The following CDH18 variants were observed in gnomAD, a reference collection of about 807,000 sequenced individuals.
The protein encoded by CDH18 is cadherin 18, also known as cadherin-18.
In CDH18, 31 loss-of-function variants were observed where a neutral mutation model predicts 67.9. That is an observed-to-expected ratio of 0.46 (90% CI 0.34 to 0.62). The LOEUF (loss-of-function observed/expected upper bound fraction) is 0.62. Among genes scored for constraint, CDH18 ranks in the 20% least tolerant of loss-of-function variants. The probability of loss-of-function intolerance (pLI) is 0.01; values close to 1 mark genes in which losing one functional copy is unlikely to be tolerated. For missense variants in CDH18, 890 were observed against 975.5 expected (o/e 0.91, Z 1.17); for synonymous variants, 362 against 347.2 (o/e 1.04, Z -0.48).
chr5:19,731,390 G>A (rs1767577956), intron 4 of CDH18, among the ~76,000 whole-genome samples: 1 of 152,138 alleles, frequency 6.6e-6, no homozygotes, highest in Non-Finnish European at 1.5e-5. Context: ...GGCAGAGCTT[G>A]TAGTGAGCCG....
chr5:19,937,460 C>CT (rs1794397500), intron 2 of CDH18, among the ~76,000 whole-genome samples: 1 of 151,340 alleles, frequency 6.6e-6, no homozygotes, highest in Non-Finnish European at 1.5e-5. Context: ...AACAGAAACT[C>CT]TAAGTAATAT....
Position 20,172,215 on chromosome 5 carries a change from T to C in CDH18, c.-518+83229A>G, listed in dbSNP as rs1309375559. On this transcript the variant is annotated intron_variant, in intron 2 of 14. Transcript: ENST00000507958. ...GTATATATATATATATATATATATA[T>C]ATATATATGTATATATATATATATG... 8.7e-3 allele frequency among the ~76,000 whole-genome samples: 250 copies of C among 28,640 alleles called. 2 individuals carry two copies. The highest frequency in any genetic ancestry group is 0.036 in the African/African-American group (239 of 6,666). The allele number at this position is 28,640 out of a possible 152,430, so 18.8% of individuals were successfully genotyped here.
chr5:19,954,309 G>T (rs1356922419), intron 2 of CDH18, among the ~76,000 whole-genome samples: 1 of 151,892 alleles, frequency 6.6e-6, no homozygotes, highest in East Asian at 1.9e-4. Flanking sequence ...GTTTTTCTTT[G>T]GTTTAATTTT....
rs1580151790 is a variant in CDH18 at position 20,061,592 on chromosome 5, A to G, written c.-517-69578T>C. Among the ~76,000 whole-genome samples, 6 of 152,318 alleles carry G rather than the reference A, an allele frequency of 3.9e-5. No homozygotes were observed. In the Middle Eastern group the frequency reaches 0.02, roughly 518 times the overall value. On this transcript the variant is annotated intron_variant, in intron 2 of 14. Coordinates refer to the CDH18 transcript ENST00000507958. ...TTGCCAAATATTAGCACACTTTATTAGTGGCAATAGTGGGATTATTTGCCT... is the reference window on the plus strand; with the variant it reads ...TTGCCAAATATTAGCACACTTTATTGGTGGCAATAGTGGGATTATTTGCCT...
At chr5:19,892,966 C>G (rs769190922) in intron 2 of CDH18, among the ~76,000 whole-genome samples, 1 of 152,088 alleles carries the variant, frequency 6.6e-6, no homozygotes, top group Non-Finnish European at 1.5e-5. Flanking sequence ...GTGCCATGGC[C>G]TAAATGCTTT....
chr5:20,303,067 C>T (rs752763900), intron 1 of CDH18, among the ~76,000 whole-genome samples: 33 of 152,020 alleles, frequency 2.2e-4, no homozygotes, highest in Middle Eastern at 3.2e-3. Context: ...AAAATTTACA[C>T]ACGATTTTCT....
intron 1 of CDH18, among the ~76,000 whole-genome samples, chr5:20,350,962 C>T (rs535028729): frequency 5.3e-5 from 8 of 151,402 alleles, no homozygotes; most frequent in African/African-American, 1.9e-4. Context: ...TAAATCCTTC[C>T]ATTTTGGAAA....
At chr5:20,408,566 A>G (rs963264217) in intron 1 of CDH18, among the ~76,000 whole-genome samples, 5 of 151,922 alleles carry the variant, frequency 3.3e-5, no homozygotes, top group Non-Finnish European at 7.4e-5. Context: ...TATGCCAACC[A>G]TGAAGAAAAT....
At chr5:19,479,639 C>G (rs1369662227) in intron 12 of CDH18, among the ~76,000 whole-genome samples, 1 of 152,084 alleles carries the variant, frequency 6.6e-6, no homozygotes, top group Admixed American at 6.5e-5. Flanking sequence ...GTGTTCACAC[C>G]AAACCCACTT....
At chr5:20,431,406 T>C (rs1580984318) in intron 1 of CDH18, among the ~76,000 whole-genome samples, 1 of 151,046 alleles carries the variant, frequency 6.6e-6, no homozygotes, top group African/African-American at 2.4e-5. Context: ...GGCAGGAGAA[T>C]TGTTTGAACC....
chr5:19,964,369 C>T (rs1797216915), intron 2 of CDH18, among the ~76,000 whole-genome samples: 1 of 150,756 alleles, frequency 6.6e-6, no homozygotes. Context: ...TCACTTGAGC[C>T]CAGGATTTCA....
chr5:20,548,621 T>C (rs1757470360), intron 1 of CDH18, among the ~76,000 whole-genome samples: 1 of 152,188 alleles, frequency 6.6e-6, no homozygotes, highest in African/African-American at 2.4e-5. Flanking sequence ...ATAACTGATG[T>C]TTGTACAGTG....
chr5:19,704,727 GT>G (rs1248778238), intron 5 of CDH18, among the ~76,000 whole-genome samples: 18 of 152,144 alleles, frequency 1.2e-4, no homozygotes, highest in African/African-American at 4.3e-4. Context: ...AGAGGACTTA[GT>G]TACTGAACAA....
At chr5:20,237,916 T>C (rs1279292341) in intron 2 of CDH18, among the ~76,000 whole-genome samples, 1 of 151,998 alleles carries the variant, frequency 6.6e-6, no homozygotes, top group East Asian at 1.9e-4. Flanking sequence ...ATTATTAACC[T>C]ACATTAAATA....
chr5:20,005,131 G>A (rs879871012), intron 2 of CDH18, among the ~76,000 whole-genome samples: 2 of 152,012 alleles, frequency 1.3e-5, no homozygotes, highest in Non-Finnish European at 2.9e-5. Context: ...GAAAATGCCA[G>A]AACTAAAGAC....
chr5:20,013,773 T>C, intron 2 of CDH18, among the ~76,000 whole-genome samples: 1 of 152,084 alleles, frequency 6.6e-6, no homozygotes, highest in South Asian at 2.1e-4. Flanking sequence ...CAAAAAAATA[T>C]CTCTTCATCA....
chr5:20,314,831 C>T (rs995054812), intron 1 of CDH18, among the ~76,000 whole-genome samples: 2 of 151,952 alleles, frequency 1.3e-5, no homozygotes, highest in Non-Finnish European at 2.9e-5. Context: ...CAATAATCAT[C>T]TAAAGATTTC....
At chr5:20,499,266 A>G (rs1031650896) in intron 1 of CDH18, among the ~76,000 whole-genome samples, 2 of 152,116 alleles carry the variant, frequency 1.3e-5, no homozygotes, top group African/African-American at 2.4e-5. Flanking sequence ...ATCTTCCTAT[A>G]TATTTTAAAT....
At chr5:19,649,070 T>C (rs1580694489) in intron 5 of CDH18, among the ~76,000 whole-genome samples, 1 of 152,130 alleles carries the variant, frequency 6.6e-6, no homozygotes, top group African/African-American at 2.4e-5. Flanking sequence ...ATCGACATGG[T>C]AGAGGAATCT....
Sources: allele counts gnomAD v4.1 joint callset (sites outside exome capture counted in the v4.1 genomes callset), GRCh38; gene constraint gnomAD v4.1.1; transcripts MANE v1.5; gene names NCBI Gene and HGNC (gene_info 2026-07-23, HGNC 2026-07-21).